The following APC variants were observed in gnomAD, a reference collection of about 807,000 sequenced individuals.
APC encodes the protein APC regulator of Wnt signaling pathway.
APC carries 72 observed loss-of-function variants against 247.0 expected under a neutral mutation model. That is an observed-to-expected ratio of 0.29 (90% CI 0.24 to 0.35). APC has a LOEUF of 0.35. Ranked by LOEUF, APC falls within the 10% of genes least tolerant of loss-of-function variation. The probability of loss-of-function intolerance (pLI) is 1.00; values close to 1 mark genes in which losing one functional copy is unlikely to be tolerated. For synonymous variants in APC, 1,254 were observed against 1,162.5 expected (o/e 1.08, Z -1.60); for missense variants, 3,400 against 3,360.7 (o/e 1.01, Z -0.29).
intron 8 of APC, among the ~76,000 whole-genome samples, chr5:112,807,402 A>G (rs1047663477): frequency 1.3e-5 from 2 of 152,130 alleles, no homozygotes; most frequent in African/African-American, 4.8e-5. Context: ...TCAGCCATAT[A>G]TAATTTTTAT....
chr5:112,716,116 C>A (rs1288875088), intron 1 of APC, among the ~76,000 whole-genome samples: 1 of 152,012 alleles, frequency 6.6e-6, no homozygotes, highest in Non-Finnish European at 1.5e-5. Flanking sequence ...ATTTCTGCTT[C>A]TTATTTCCTT....
chr5:112,766,180 A>G, intron 2 of APC, 146 bp from the exon 3 acceptor site: 2 of 579,416 alleles, frequency 3.5e-6, no homozygotes, highest in Non-Finnish European at 6.2e-6. Context: ...ATTTATTAAT[A>G]ATGAATAATA....
intron 1 of APC, among the ~76,000 whole-genome samples, chr5:112,712,644 A>T (rs1750924299): frequency 6.7e-6 from 1 of 149,584 alleles, no homozygotes; most frequent in South Asian, 2.1e-4. Flanking sequence ...TCCACCTGGG[A>T]TTCTCAAAGT....
chr5:112,749,226 A>C (rs1023254531), intron 1 of APC, among the ~76,000 whole-genome samples: 1 of 152,190 alleles, frequency 6.6e-6, no homozygotes, highest in Non-Finnish European at 1.5e-5. Flanking sequence ...AGATTTTTCA[A>C]ATCAACATTT....
intron 14 of APC, among the ~76,000 whole-genome samples, chr5:112,831,186 G>T (rs1057031570): frequency 3.3e-5 from 5 of 151,572 alleles, no homozygotes; most frequent in African/African-American, 1.2e-4. Context: ...TCGGCTAACT[G>T]CAACCTCCAA....
At chr5:112,766,043 T>A (rs1044854259) in intron 2 of APC, among the ~76,000 whole-genome samples, 24 of 152,250 alleles carry the variant, frequency 1.6e-4, no homozygotes, top group African/African-American at 5.3e-4. Flanking sequence ...ATGAGAATAA[T>A]TTGCATTGTT....
chr5:112,780,009 C>G (rs922963102), intron 5 of APC, among the ~76,000 whole-genome samples: 3 of 152,128 alleles, frequency 2.0e-5, no homozygotes, highest in Admixed American at 6.5e-5. Context: ...AGTCTGTTAC[C>G]TATCATTTTA....
chr5:112,819,434 T>A (rs2149784904), intron 10 of APC, 90 bp downstream of exon 10: 1 of 1,516,092 alleles, frequency 6.6e-7, no homozygotes, highest in Non-Finnish European at 9.1e-7. Context: ...ATATGCTGTC[T>A]TTATGACTAA....
At chr5:112,737,126 A>G (rs143180560), upstream of APC, among the ~76,000 whole-genome samples, 132 of 152,360 alleles carry the variant, frequency 8.7e-4, no homozygotes, top group African/African-American at 3.1e-3. Context: ...ATACTACATT[A>G]AAGCCTCAGA....
rs112114081 is a variant in APC at position 112,767,465 on chromosome 5, T to C, written c.422+75T>C. On this transcript the variant is annotated intron_variant, in intron 4 of 15. Coordinates refer to ENST00000257430, the MANE Select transcript of APC (RefSeq NM_000038.6). ...GTTATTTTGTAATATAATATTTAAA[T>C]TGTGAATTTATAGTAGGTGATAGCT... The C allele has an allele frequency of 1.8e-3, 2,271 of 1,253,986 alleles. 40 individuals carry two copies. In the African/African-American group the frequency reaches 0.031, roughly 17 times the overall value. The allele number at this position is 1,253,986 out of a possible 1,614,324, so 77.7% of individuals were successfully genotyped here.
chr5:112,760,734 A>G (rs1755555850), intron 2 of APC, among the ~76,000 whole-genome samples: 1 of 152,194 alleles, frequency 6.6e-6, no homozygotes, highest in Non-Finnish European at 1.5e-5. Context: ...CTATCTGAAT[A>G]TAGAGAGACA....
At chr5:112,798,143 T>C (rs1357259172) in intron 7 of APC, among the ~76,000 whole-genome samples, 1 of 152,220 alleles carries the variant, frequency 6.6e-6, no homozygotes, top group Non-Finnish European at 1.5e-5. Context: ...ACTAGCAGCA[T>C]TTTTTCATAA....
rs2149876748 is a variant in APC at position 112,838,351 on chromosome 5, A to G, written c.2757A>G (p.Arg919=). ...TTELHCVTDE[R]NALRRSSAAH... ...AATTACATTGTGTGACAGATGAGAG[A>G]AATGCACTTAGAAGAAGCTCTGCTG... Residue 919 remains arginine (R), a synonymous_variant, in exon 16 of 16, where the codon AGA becomes AGG. Coordinates refer to ENST00000257430, the MANE Select transcript of APC (RefSeq NM_000038.6). 1 of 1,614,200 alleles carries G rather than the reference A, an allele frequency of 6.2e-7. No individual in the cohort carries two copies. Among genetic ancestry groups the G allele is most frequent in the South Asian group, 1.1e-5 (1 of 91,086 alleles).
At chr5:112,731,678 T>C (rs940534419) in intron 1 of APC, among the ~76,000 whole-genome samples, 1 of 152,214 alleles carries the variant, frequency 6.6e-6, no homozygotes, top group Non-Finnish European at 1.5e-5. Flanking sequence ...TAAAATATCA[T>C]TGCCTATTTT....
At chr5:112,726,961 G>A (rs977271478) in intron 1 of APC, among the ~76,000 whole-genome samples, 6 of 151,908 alleles carry the variant, frequency 3.9e-5, no homozygotes, top group Non-Finnish European at 8.8e-5. Context: ...ATATTAAATA[G>A]GCATTATGAA....
At position 112,838,875 on chromosome 5, in the gene APC, G is replaced by T. The variant is rs1554084898; in HGVS notation, c.3281G>T (p.Gly1094Val). ...DKHLKFQPHFGQQECVSPYRS... is the reference protein window; with the variant it reads ...DKHLKFQPHFVQQECVSPYRS... ...CACCTCAAGTTCCAACCACATTTTG[G>T]ACAGCAGGAATGTGTTTCTCCATAC... Residue 1094 changes from glycine to valine, a missense_variant, in exon 16 of 16, where the codon GGA becomes GTA. Physicochemically the swap from Gly to Val is moderately radical, Grantham distance 109. Transcript: ENST00000257430. The T allele has an allele frequency of 6.8e-6, 11 of 1,614,104 alleles. No individual in the cohort carries two copies. The highest frequency in any genetic ancestry group is 9.3e-6 in the Non-Finnish European group (11 of 1,180,032).
chr5:112,816,043 T>G (rs1762476719), intron 9 of APC, among the ~76,000 whole-genome samples: 1 of 152,242 alleles, frequency 6.6e-6, no homozygotes. Context: ...CATCCACTTT[T>G]CTGCAAGAAT....
intron 6 of APC, among the ~76,000 whole-genome samples, chr5:112,782,181 G>C (rs1758423556): frequency 6.6e-6 from 1 of 152,170 alleles, no homozygotes; most frequent in African/African-American, 2.4e-5. Context: ...TCTTACATGG[G>C]TGGCAGCAGG....
chr5:112,713,143 C>G (rs1025662503), intron 1 of APC, among the ~76,000 whole-genome samples: 16 of 143,980 alleles, frequency 1.1e-4, no homozygotes, highest in South Asian at 4.5e-4. Context: ...TGCACTCCAG[C>G]CTGGGTGACA....
Sources: gnomAD v4.1 joint callset for allele counts (sites outside exome capture counted in the v4.1 genomes callset) on GRCh38, gnomAD v4.1.1 for gene constraint, MANE v1.5 for transcripts, NCBI Gene and HGNC (gene_info 2026-07-23, HGNC 2026-07-21) for gene names.